The following KIAA0232 variants were observed in gnomAD, a reference collection of about 807,000 sequenced individuals.
KIAA0232 encodes KIAA0232, also known as uncharacterized protein KIAA0232.
KIAA0232 carries 27 observed loss-of-function variants against 122.0 expected under a neutral mutation model. The ratio of observed to expected loss-of-function variants is 0.22; its 90% CI spans 0.16 to 0.31. KIAA0232 has a LOEUF of 0.31. KIAA0232 is among the 10% of genes least tolerant of loss of function. The pLI is 1.00. For synonymous variants in KIAA0232, 613 were observed against 587.6 expected, an observed-to-expected ratio of 1.04 and a Z score of -0.63; for missense variants, 1,551 against 1,634.2, an observed-to-expected ratio of 0.95 and a Z score of 0.88.
At chr4:6,873,447 G>A (rs1354959592) in intron 8 of KIAA0232, among the ~76,000 whole-genome samples, 1 of 152,212 alleles carries the variant, frequency 6.6e-6, no homozygotes, top group African/African-American at 2.4e-5. Context: ...GTGGGATGTG[G>A]CCACAGCTGT....
In KIAA0232 at chr4:6,863,270, C is replaced by T. The variant is rs371024458; in HGVS notation, c.2888C>T (p.Ala963Val). The change falls in exon 7 of 10, where the codon GCT becomes GTT. Residue 963 changes from alanine to valine, a missense_variant. Around this residue, in one of 5 missense-constraint regions of KIAA0232, gnomAD observed 1,108 missense variants for 1,154.8 expected, o/e 0.96. Coordinates refer to ENST00000307659, the MANE Select transcript of KIAA0232 (RefSeq NM_014743.3). The part of the protein sequence containing the change: ...HTKGSLLQCA[A>V]SDVVTIAGTD... ...AAAGGAAGTCTGTTACAGTGTGCAG[C>T]TTCTGATGTTGTGACGATAGCTGGT... 4.8e-5 allele frequency: 78 copies of T among 1,614,040 alleles called. No individual in the cohort carries two copies. The highest frequency in any genetic ancestry group is 6.4e-5 in the Non-Finnish European group (76 of 1,180,046).
chr4:6,841,654 T>C (rs1719668776), intron 3 of KIAA0232, among the ~76,000 whole-genome samples: 1 of 152,178 alleles, frequency 6.6e-6, no homozygotes, highest in Non-Finnish European at 1.5e-5. Context: ...CATGATCTTG[T>C]TTAGAATATA....
chr4:6,842,031 G>T (rs1207243582), intron 3 of KIAA0232, 36 bp from the exon 4 acceptor site: 2 of 1,611,728 alleles, frequency 1.2e-6, no homozygotes, highest in Non-Finnish European at 1.7e-6. Context: ...GTCCAAGTTA[G>T]CCCTGGTCAT....
intron 3 of KIAA0232, among the ~76,000 whole-genome samples, chr4:6,840,363 G>A (rs1365027458): frequency 6.6e-6 from 1 of 152,208 alleles, no homozygotes; most frequent in Non-Finnish European, 1.5e-5. Flanking sequence ...GATGGGGGTA[G>A]TGTTAATCCC....
At chr4:6,851,376 T>A (rs1320432028) in intron 4 of KIAA0232, among the ~76,000 whole-genome samples, 1 of 152,168 alleles carries the variant, frequency 6.6e-6, no homozygotes, top group Admixed American at 6.5e-5. Context: ...GCCATCTCCA[T>A]ATGAAAGTAA....
intron 4 of KIAA0232, among the ~76,000 whole-genome samples, chr4:6,854,149 A>G (rs1720449863): frequency 6.6e-6 from 1 of 152,248 alleles, no homozygotes; most frequent in African/African-American, 2.4e-5. Flanking sequence ...AAAAAACAAG[A>G]TTGTAGAAAA....
At chr4:6,811,807 T>C (rs1717894747) in intron 2 of KIAA0232, among the ~76,000 whole-genome samples, 1 of 149,512 alleles carries the variant, frequency 6.7e-6, no homozygotes, top group African/African-American at 2.5e-5. Flanking sequence ...TACTGTAATT[T>C]GGGAGTTGTT....
chr4:6,855,778 C>G lies in KIAA0232; in HGVS notation c.370-1386C>G. 1.1e-6 allele frequency: 1 copy of G among 914,758 alleles called. No individual in the cohort carries two copies. Among genetic ancestry groups the G allele is most frequent in the Non-Finnish European group, 1.3e-6 (1 of 765,432 alleles). 56.7% of individuals were successfully genotyped at this position (914,758 alleles called of 1,614,324 possible). A position where few individuals can be genotyped will look rare whatever the true frequency, so the allele number is the denominator to read the frequency against. On this transcript the variant is annotated intron_variant, in intron 4 of 9. Transcript: ENST00000307659. This position sits in a 1 kb window ranked among gnomAD's most constrained non-coding sequence, Gnocchi z 4.3. ...CGAGACTAGCCCTAGGTTTAGAAAC[C>G]TAGTGACATAGGCTTGCTGTACAGA...
chr4:6,808,291 C>G (rs1443701809), intron 2 of KIAA0232, among the ~76,000 whole-genome samples: 1 of 151,010 alleles, frequency 6.6e-6, no homozygotes, highest in Non-Finnish European at 1.5e-5. Context: ...TATGCCTTCC[C>G]CCTCAAGTCT....
chr4:6,819,712 A>T (rs553068091), intron 2 of KIAA0232, among the ~76,000 whole-genome samples: 1 of 152,206 alleles, frequency 6.6e-6, no homozygotes, highest in Non-Finnish European at 1.5e-5. Context: ...AAGAACTTAA[A>T]ACAGAACTAC....
At chr4:6,790,856 A>T (rs1300792504) in intron 1 of KIAA0232, among the ~76,000 whole-genome samples, 4 of 142,638 alleles carry the variant, frequency 2.8e-5, no homozygotes, top group Non-Finnish European at 6.1e-5. Flanking sequence ...TTGAGTCCTG[A>T]TTCTACTTTT....
intron 2 of KIAA0232, among the ~76,000 whole-genome samples, chr4:6,814,377 T>C (rs1414518675): frequency 6.6e-6 from 1 of 151,782 alleles, no homozygotes; most frequent in African/African-American, 2.4e-5. Flanking sequence ...TCATAGTTGG[T>C]TGTTTTTTTT....
chr4:6,861,614 T>G lies in KIAA0232; in HGVS notation c.1232T>G (p.Phe411Cys). ...LWYTEPIAEY[F>C]VPLSRKSKLE... is the part of the protein sequence containing the mutation. ...TACACCGAGCCAATTGCTGAATATT[T>G]TGTTCCTCTGAGCAGAAAAAGTAAA... The change falls in exon 7 of 10, where the codon TTT (phenylalanine) becomes TGT (cysteine). Residue 411 changes from phenylalanine to cysteine, a missense_variant. By Grantham distance (205) the Phe-to-Cys change is radical. Around this residue, in one of 5 missense-constraint regions of KIAA0232, gnomAD observed 1,108 missense variants for 1,154.8 expected, o/e 0.96. Transcript: ENST00000307659. 1.2e-6 allele frequency: 2 copies of G among 1,614,032 alleles called. No homozygotes were observed. Among genetic ancestry groups the G allele is most frequent in the Non-Finnish European group, 1.7e-6 (2 of 1,180,012 alleles).
chr4:6,833,514 C>T (rs553322514), intron 3 of KIAA0232, among the ~76,000 whole-genome samples: 22 of 152,208 alleles, frequency 1.4e-4, no homozygotes, highest in African/African-American at 5.3e-4. Context: ...CCTGTAGTCT[C>T]AGCTGCTCGG....
At chr4:6,871,054 T>TTG (rs1721453645) in intron 7 of KIAA0232, among the ~76,000 whole-genome samples, 1 of 152,206 alleles carries the variant, frequency 6.6e-6, no homozygotes, top group Non-Finnish European at 1.5e-5. Context: ...TCGCTTCCCA[T>TTG]CTAAGTACTT....
chr4:6,818,709 GAAA>G (rs113046859), intron 2 of KIAA0232, among the ~76,000 whole-genome samples: 3 of 137,232 alleles, frequency 2.2e-5, no homozygotes, highest in Non-Finnish European at 3.2e-5. Flanking sequence ...CACAGAACTG[GAAA>G]AAAAAAAAAA....
At chr4:6,784,960 G>C (rs1184234833) in intron 1 of KIAA0232, among the ~76,000 whole-genome samples, 2 of 134,422 alleles carry the variant, frequency 1.5e-5, no homozygotes, top group Non-Finnish European at 3.1e-5. Context: ...TTTTTTTTGA[G>C]ACGGAGTCTC....
chr4:6,864,256 A>G, intron 7 of KIAA0232, 73 bp downstream of exon 7: 1 of 1,452,468 alleles, frequency 6.9e-7, no homozygotes, highest in African/African-American at 1.4e-5. Context: ...CATGCCAGTC[A>G]ATGAAAGATA....
intron 1 of KIAA0232, among the ~76,000 whole-genome samples, chr4:6,794,606 A>C (rs1265501210): frequency 1.3e-5 from 2 of 152,216 alleles, no homozygotes; most frequent in East Asian, 3.8e-4. Flanking sequence ...CTCTGTTGAC[A>C]CTTGAGCAGA....
Sources: allele counts gnomAD v4.1 joint callset (sites outside exome capture counted in the v4.1 genomes callset), GRCh38; gene constraint gnomAD v4.1.1; regional missense constraint gnomAD v4.1.1; non-coding constraint Gnocchi (gnomAD v3.1); transcripts MANE v1.5; gene names NCBI Gene and HGNC (gene_info 2026-07-23, HGNC 2026-07-21).